The following OPCML variants were observed in gnomAD, a reference collection of about 807,000 sequenced individuals.
The protein encoded by OPCML is opioid-binding protein/cell adhesion molecule.
OPCML carries 13 observed loss-of-function variants against 37.8 expected under a neutral mutation model. The observed-to-expected ratio is 0.34, with a 90% CI of 0.22 to 0.55. The LOEUF (loss-of-function observed/expected upper bound fraction) is 0.55, where lower values mean the gene tolerates loss of function less well. Ranked by LOEUF, OPCML falls within the 20% of genes least tolerant of loss-of-function variation. The pLI is 0.91. For missense variants in OPCML, 341 were observed against 435.6 expected, an observed-to-expected ratio of 0.78 and a Z score of 1.93; for synonymous variants, 176 against 168.8, an observed-to-expected ratio of 1.04 and a Z score of -0.33.
intron 3 of OPCML, among the ~76,000 whole-genome samples, chr11:132,555,684 C>T (rs895092598): frequency 6.6e-6 from 1 of 152,072 alleles, no homozygotes; most frequent in Non-Finnish European, 1.5e-5. Context: ...AATGAAGGCG[C>T]GTAGACTTCT....
In OPCML at chr11:133,187,429, C is replaced by G. The variant is rs116345089; in HGVS notation, c.62-244419G>C. Among the ~76,000 whole-genome samples, 485 of 152,138 alleles carry G rather than the reference C, an allele frequency of 3.2e-3. 6 individuals are homozygous for G. Among genetic ancestry groups the G allele is most frequent in the African/African-American group, 0.011 (461 of 41,508 alleles). On this transcript the variant is annotated intron_variant, in intron 1 of 7. Coordinates refer to ENST00000524381, the MANE Select transcript of OPCML (RefSeq NM_001012393.5). ...TGGTTTCAGGCCTGATGGTTTCCAC[C>G]AAAAGTTGTAGCTGTCAAATGCTGG...
intron 4 of OPCML, among the ~76,000 whole-genome samples, chr11:132,522,605 TTC>T (rs1280918498): frequency 2.6e-5 from 4 of 152,246 alleles, no homozygotes; most frequent in African/African-American, 9.6e-5. Context: ...TTTCCATTCA[TTC>T]TCTCTTTTGA....
At chr11:132,577,330 G>A (rs577276185) in intron 3 of OPCML, among the ~76,000 whole-genome samples, 20 of 151,966 alleles carry the variant, frequency 1.3e-4, no homozygotes, top group African/African-American at 4.6e-4. Context: ...TTCTAGCCAC[G>A]GAAATTAAAG....
intron 3 of OPCML, among the ~76,000 whole-genome samples, chr11:132,590,997 AC>A (rs1193082581): frequency 6.6e-6 from 1 of 152,180 alleles, no homozygotes; most frequent in Non-Finnish European, 1.5e-5. Flanking sequence ...CCTTTGAAAA[AC>A]AACCTATTTA....
At chr11:133,463,546 A>G (rs1946907504) in intron 1 of OPCML, among the ~76,000 whole-genome samples, 1 of 152,164 alleles carries the variant, frequency 6.6e-6, no homozygotes, top group African/African-American at 2.4e-5. Flanking sequence ...TCCACCTCAC[A>G]ACACCAAATA....
chr11:132,576,372 A>G (rs1315810184), intron 3 of OPCML, among the ~76,000 whole-genome samples: 3 of 150,584 alleles, frequency 2.0e-5, no homozygotes, highest in Non-Finnish European at 4.4e-5. Context: ...GACTTGTCTT[A>G]GCATTTGCAA....
At chr11:132,523,320 G>T (rs2096299005) in intron 4 of OPCML, among the ~76,000 whole-genome samples, 2 of 152,132 alleles carry the variant, frequency 1.3e-5, no homozygotes, top group East Asian at 3.9e-4. Context: ...TACTTCCATG[G>T]AATTCACTCA....
At chr11:133,380,065 T>C (rs1944899240) in intron 1 of OPCML, among the ~76,000 whole-genome samples, 1 of 152,150 alleles carries the variant, frequency 6.6e-6, no homozygotes, top group South Asian at 2.1e-4. Context: ...AGTTCTGAAA[T>C]ACAAAGATGA....
intron 1 of OPCML, among the ~76,000 whole-genome samples, chr11:133,028,560 TGAGA>T (rs148115731): frequency 3.7e-4 from 54 of 146,540 alleles, no homozygotes; most frequent in East Asian, 1.0e-3. Context: ...TGTGTACATG[TGAGA>T]GAGAGAGAGA....
At chr11:132,517,201 G>C (rs945933672) in intron 4 of OPCML, among the ~76,000 whole-genome samples, 2 of 152,172 alleles carry the variant, frequency 1.3e-5, no homozygotes, top group African/African-American at 4.8e-5. Context: ...TTGGCTCTAA[G>C]TGATGGAAAC....
At chr11:133,488,759 T>G (rs1947588123) in intron 1 of OPCML, among the ~76,000 whole-genome samples, 1 of 152,060 alleles carries the variant, frequency 6.6e-6, no homozygotes. Context: ...AAAACCAGAA[T>G]AGCCACAGCA....
chr11:132,952,394 CAAACCAATCCCTA>C (rs1055950893), intron 1 of OPCML, among the ~76,000 whole-genome samples: 7 of 152,166 alleles, frequency 4.6e-5, no homozygotes, highest in African/African-American at 1.7e-4. Context: ...CTAAAAAACC[CAAACCAATCCCTA>C]TATGATAGCT....
intron 1 of OPCML, among the ~76,000 whole-genome samples, chr11:133,030,863 T>G (rs767194017): frequency 1.3e-4 from 20 of 151,828 alleles, no homozygotes; most frequent in Admixed American, 1.0e-3. Context: ...CATCGTCCTT[T>G]GCACTGTGCT....
chr11:132,519,727 C>A (rs1437269820), intron 4 of OPCML, among the ~76,000 whole-genome samples: 2 of 152,108 alleles, frequency 1.3e-5, no homozygotes, highest in African/African-American at 4.8e-5. Context: ...ATAACTGTTC[C>A]ACTGAGCAAG....
chr11:133,452,385 A>G (rs1946597077), intron 1 of OPCML, among the ~76,000 whole-genome samples: 1 of 151,648 alleles, frequency 6.6e-6, no homozygotes, highest in Admixed American at 6.6e-5. Context: ...AGTTCTTTTA[A>G]GAACTATTTT....
chr11:132,898,058 G>A (rs1482803024), intron 2 of OPCML, among the ~76,000 whole-genome samples: 1 of 152,136 alleles, frequency 6.6e-6, no homozygotes, highest in Non-Finnish European at 1.5e-5. Flanking sequence ...AAGTGGCTAT[G>A]GTGGTAGGGA....
intron 1 of OPCML, among the ~76,000 whole-genome samples, chr11:133,365,116 C>T (rs1423774206): frequency 2.0e-5 from 3 of 151,748 alleles, no homozygotes; most frequent in Admixed American, 6.6e-5. Flanking sequence ...GGAACCACTG[C>T]TGTGCAATGC....
rs1176490884 is a variant in OPCML, at chr11:132,594,988, T to A, written c.379+62099A>T. Among the ~76,000 whole-genome samples the A allele has an allele frequency of 2.6e-5, 4 of 152,206 alleles. No individual in the cohort carries two copies. In the East Asian group the frequency reaches 7.7e-4, roughly 29 times the overall value. On this transcript the variant is annotated intron_variant, in intron 3 of 7. Coordinates refer to ENST00000524381, the MANE Select transcript of OPCML (RefSeq NM_001012393.5). ...TGTGTAATACAAAATTAAATCAAAATTTTAAAATCATCATTGAGTTGTTGG... is the reference window on the plus strand; with the variant it reads ...TGTGTAATACAAAATTAAATCAAAAATTTAAAATCATCATTGAGTTGTTGG...
At chr11:132,524,508 T>C (rs1411714324) in intron 4 of OPCML, among the ~76,000 whole-genome samples, 1 of 152,184 alleles carries the variant, frequency 6.6e-6, no homozygotes, top group Admixed American at 6.5e-5. Context: ...AAATTAAGTA[T>C]AGATTTTTGT....
Sources: allele counts gnomAD v4.1 joint callset (sites outside exome capture counted in the v4.1 genomes callset), GRCh38; gene constraint gnomAD v4.1.1; transcripts MANE v1.5; gene names NCBI Gene and HGNC (gene_info 2026-07-23, HGNC 2026-07-21).